Variants in PXYLP1 observed in about 807,000 individuals in gnomAD.
The protein encoded by PXYLP1 is 2-phosphoxylose phosphatase 1.
Under a neutral mutation model 37.9 loss-of-function variants are expected in PXYLP1, and 17 were observed. That is an observed-to-expected ratio of 0.45 (90% confidence interval 0.31 to 0.67). PXYLP1 has a LOEUF of 0.67. PXYLP1 is among the 30% of genes least tolerant of loss of function. The pLI is 0.07. For missense variants in PXYLP1, 511 were observed against 612.0 expected (o/e 0.84, Z 1.74); for synonymous variants, 221 against 232.2 (o/e 0.95, Z 0.44).
At chr3:141,248,497 G>GTT (rs1941019400) in intron 1 of PXYLP1, among the ~76,000 whole-genome samples, 1 of 117,464 alleles carries the variant, frequency 8.5e-6, no homozygotes, top group South Asian at 2.5e-4. Context: ...GTGCGTGTGT[G>GTT]TATATATATA....
At chr3:141,275,785 T>A (rs1233819386) in intron 2 of PXYLP1, among the ~76,000 whole-genome samples, 1 of 96,708 alleles carries the variant, frequency 1.0e-5, no homozygotes, top group Non-Finnish European at 2.0e-5. Context: ...TGAAGGGAAA[T>A]ACGTTCACTG....
Position 141,287,297 on chromosome 3 carries a change from C to T in PXYLP1, c.366-17C>T. On this transcript the variant is annotated splice_polypyrimidine_tract_variant and intron_variant, in intron 4 of 5. Coordinates refer to ENST00000286353, the MANE Select transcript of PXYLP1 (RefSeq NM_001037172.3). ...GTGGAGCACTCTGACCTCTAACTCT[C>T]TCTATCATCTCTCTAGGAAACCGTA... The T allele has an allele frequency of 6.2e-7, 1 of 1,613,146 alleles. No individual in the cohort carries two copies. The highest frequency in any genetic ancestry group is 8.5e-7 in the Non-Finnish European group (1 of 1,179,474).
chr3:141,261,474 C>T (rs1941393855), intron 2 of PXYLP1, among the ~76,000 whole-genome samples: 1 of 152,096 alleles, frequency 6.6e-6, no homozygotes, highest in Admixed American at 6.6e-5. Context: ...TAATAAGCAA[C>T]CAATAAAGCA....
rs753659969 is a variant in PXYLP1, at chr3:141,278,378, T to C, written c.116T>C (p.Met39Thr). ...LIPVSTPKNG[M>T]SSKSRKRIMP... The stretch of plus-strand genomic sequence containing the variant: ...CCGGTGTCGACTCCTAAGAATGGAA[T>C]GAGTAGCAAGAGTCGAAAGAGAATC... The change falls in exon 3 of 6, where the codon ATG (methionine) becomes ACG (threonine). Residue 39 changes from methionine (M) to threonine (T), a missense_variant. By Grantham distance (81) the Met-to-Thr change is moderately conservative. Coordinates refer to ENST00000286353, the MANE Select transcript of PXYLP1 (RefSeq NM_001037172.3). The C allele has an allele frequency of 6.8e-6, 11 of 1,614,158 alleles. No individual in the cohort carries two copies. The highest frequency in any genetic ancestry group is 9.3e-6 in the Non-Finnish European group (11 of 1,180,032).
chr3:141,264,573 A>C (rs1941463893), intron 2 of PXYLP1, among the ~76,000 whole-genome samples: 1 of 152,162 alleles, frequency 6.6e-6, no homozygotes, highest in African/African-American at 2.4e-5. Context: ...TTAATCCCTC[A>C]TGGGCCCCAG....
In PXYLP1 at chr3:141,294,784, A is replaced by C. The variant is rs1236934979; in HGVS notation, c.*1579A>C. 1 of 152,258 alleles carries C rather than the reference A, an allele frequency of 6.6e-6. No individual in the cohort carries two copies. Among genetic ancestry groups the C allele is most frequent in the Non-Finnish European group, 1.5e-5 (1 of 68,046 alleles). The allele number at this position is 152,258 out of a possible 1,614,324, so 9.4% of individuals were successfully genotyped here. A position where few individuals can be genotyped will look rare whatever the true frequency, so the allele number is the denominator to read the frequency against. On this transcript the variant is annotated 3_prime_UTR_variant, in exon 6 of 6. Transcript: ENST00000286353. ...TTTTAACTGCTTTACTAACTGCTGA[A>C]AGTTGTGTTATCTCTCAAGTATTCA... is the stretch of plus-strand genomic sequence containing the variant.
chr3:141,279,570 C>T (rs1156313952), intron 4 of PXYLP1, 66 bp downstream of exon 4: 6 of 1,587,464 alleles, frequency 3.8e-6, no homozygotes, highest in South Asian at 1.1e-5. Context: ...TAGAGAATGA[C>T]AGGACCTACA....
At chr3:141,269,386 G>T (rs1394153592) in intron 2 of PXYLP1, among the ~76,000 whole-genome samples, 1 of 152,130 alleles carries the variant, frequency 6.6e-6, no homozygotes, top group Non-Finnish European at 1.5e-5. Context: ...GGTTCTCTGG[G>T]TGGTAGGATT....
chr3:141,256,614 T>C (rs561167899), intron 1 of PXYLP1, among the ~76,000 whole-genome samples: 310 of 152,342 alleles, frequency 2.0e-3, no homozygotes, highest in African/African-American at 7.1e-3. Context: ...TTCAAATCCA[T>C]GTGAATTTTG....
At chr3:141,242,604 A>G (rs1471930399) in intron 1 of PXYLP1, among the ~76,000 whole-genome samples, 2 of 152,160 alleles carry the variant, frequency 1.3e-5, no homozygotes, top group African/African-American at 4.8e-5. Flanking sequence ...AGAGAGATGA[A>G]CCATCATGCT....
At chr3:141,287,771 C>T (rs1450044239) in intron 5 of PXYLP1, among the ~76,000 whole-genome samples, 1 of 152,222 alleles carries the variant, frequency 6.6e-6, no homozygotes, top group Non-Finnish European at 1.5e-5. Flanking sequence ...TCTTCCTGTG[C>T]TTATGCACAC....
chr3:141,271,303 C>T (rs1037766379), intron 2 of PXYLP1, among the ~76,000 whole-genome samples: 1 of 152,178 alleles, frequency 6.6e-6, no homozygotes, highest in African/African-American at 2.4e-5. Flanking sequence ...CAGCCCCAGG[C>T]TACCTCCCTG....
chr3:141,254,308 CTG>C (rs1179387038), intron 1 of PXYLP1, among the ~76,000 whole-genome samples: 1 of 152,220 alleles, frequency 6.6e-6, no homozygotes, highest in Non-Finnish European at 1.5e-5. Context: ...ATGACAAAAA[CTG>C]TGTCCTGTAT....
intron 2 of PXYLP1, chr3:141,274,630 T>C: frequency 6.7e-6 from 5 of 747,432 alleles, no homozygotes; most frequent in Non-Finnish European, 1.2e-5. Context: ...GCAGGTATTT[T>C]TGGAAGACCT....
chr3:141,280,976 G>C (rs1381850783), intron 4 of PXYLP1, among the ~76,000 whole-genome samples: 1 of 152,164 alleles, frequency 6.6e-6, no homozygotes, highest in Non-Finnish European at 1.5e-5. Flanking sequence ...GCCTCTTTGT[G>C]AATGCCATGT....
chr3:141,293,960 C>A lies in PXYLP1; in HGVS notation c.*755C>A, dbSNP rs1454180987. 1.3e-5 allele frequency: 2 copies of A among 152,184 alleles called. No homozygotes were observed. 9.4% of individuals were successfully genotyped at this position (152,184 alleles called of 1,614,324 possible). ...CCTCCAGTAACTTCTGCTAGAAACA[C>A]AGAATTTGGTCTGTATCTGACACTA... is the stretch of plus-strand genomic sequence containing the variant. On this transcript the variant is annotated 3_prime_UTR_variant, in exon 6 of 6. Transcript: ENST00000286353.
At chr3:141,271,480 T>C (rs1185767868) in intron 2 of PXYLP1, among the ~76,000 whole-genome samples, 1 of 152,190 alleles carries the variant, frequency 6.6e-6, no homozygotes, top group African/African-American at 2.4e-5. Flanking sequence ...GAGCTGGACC[T>C]TGGCCCCAAG....
At chr3:141,267,814 G>A (rs966805433) in intron 2 of PXYLP1, among the ~76,000 whole-genome samples, 1 of 151,908 alleles carries the variant, frequency 6.6e-6, no homozygotes, top group Admixed American at 6.6e-5. Context: ...GGTGGAGCTA[G>A]ATAATGACCT....
chr3:141,294,238 G>C lies in PXYLP1; in HGVS notation c.*1033G>C, dbSNP rs1485052752. The stretch of plus-strand genomic sequence containing the variant: ...TTCCTGTAGTAATATTCAATTTGCT[G>C]TACCTGCTTGGTGGTTAGAAGGAGG... On this transcript the variant is annotated 3_prime_UTR_variant, in exon 6 of 6. Coordinates refer to ENST00000286353, the MANE Select transcript of PXYLP1 (RefSeq NM_001037172.3). 6.6e-6 allele frequency: 1 copy of C among 152,164 alleles called. No homozygotes were observed. Among genetic ancestry groups the C allele is most frequent in the African/African-American group, 2.4e-5 (1 of 41,440 alleles). 9.4% of individuals were successfully genotyped at this position (152,164 alleles called of 1,614,324 possible).
Sources: gnomAD v4.1 joint callset for allele counts (sites outside exome capture counted in the v4.1 genomes callset) on GRCh38, gnomAD v4.1.1 for gene constraint, MANE v1.5 for transcripts, NCBI Gene and HGNC (gene_info 2026-07-23, HGNC 2026-07-21) for gene names.